Variants in CTIF observed in about 807,000 individuals in gnomAD.
CTIF encodes the protein cap binding complex dependent translation initiation factor, also known as CBP80/20-dependent translation initiation factor.
A neutral mutation model predicts 66.0 loss-of-function variants in CTIF; 21 were observed. That is an observed-to-expected ratio of 0.32 (90% CI 0.23 to 0.46). CTIF has a LOEUF of 0.46. Ranked by LOEUF, CTIF falls within the 20% of genes least tolerant of loss-of-function variation. The probability of loss-of-function intolerance (pLI) is 1.00; values close to 1 mark genes in which losing one functional copy is unlikely to be tolerated. For synonymous variants in CTIF, 345 were observed against 326.4 expected, an observed-to-expected ratio of 1.06 and a Z score of -0.62; for missense variants, 739 against 812.7, an observed-to-expected ratio of 0.91 and a Z score of 1.10.
intron 2 of CTIF, among the ~76,000 whole-genome samples, chr18:48,633,438 T>C (rs12968500): frequency 0.61 from 92,127 of 151,646 alleles, 30,931 homozygotes; most frequent in East Asian, 0.94. Context: ...CATGGTGGCT[T>C]ATGCCTGTAT....
At chr18:48,634,591 A>G (rs914433681) in intron 2 of CTIF, among the ~76,000 whole-genome samples, 1 of 152,190 alleles carries the variant, frequency 6.6e-6, no homozygotes, top group African/African-American at 2.4e-5. Flanking sequence ...CAGGAAGGAG[A>G]CCCAGGCACT....
chr18:48,609,643 A>G (rs1240844787), intron 1 of CTIF, among the ~76,000 whole-genome samples: 1 of 152,174 alleles, frequency 6.6e-6, no homozygotes, highest in Non-Finnish European at 1.5e-5. Flanking sequence ...ACCCATAAGC[A>G]TGATGTCACC....
In CTIF at chr18:48,734,642, A is replaced by C. The variant is rs903788264; in HGVS notation, c.584+22947A>C. ...TTTGCATCCTGTTCATCATCACGGCAACATTCTGGGAGAGAAAGGGAAGAC... is the reference window on the plus strand; with the variant it reads ...TTTGCATCCTGTTCATCATCACGGCCACATTCTGGGAGAGAAAGGGAAGAC... On this transcript the variant is annotated intron_variant, in intron 7 of 11. Coordinates refer to ENST00000256413, the MANE Select transcript of CTIF (RefSeq NM_014772.3). 2.0e-5 allele frequency among the ~76,000 whole-genome samples: 3 copies of C among 152,220 alleles called. No homozygotes were observed. The East Asian group carries it at 5.8e-4, about 29-fold the overall frequency.
chr18:48,783,948 C>T (rs1156766164), intron 9 of CTIF, among the ~76,000 whole-genome samples: 1 of 152,196 alleles, frequency 6.6e-6, no homozygotes, highest in East Asian at 1.9e-4. Flanking sequence ...ACCTCCAGTC[C>T]CCTGCCCTAT....
chr18:48,758,018 G>T lies in CTIF; in HGVS notation c.684G>T (p.Gln228His). ...ACAGGGACCACCAGAAATCCTACCAGGGGGGCTCAGCACCCCACCCCTCAG... is the reference window on the plus strand; with the variant it reads ...ACAGGGACCACCAGAAATCCTACCATGGGGGCTCAGCACCCCACCCCTCAG... ...KHNRDHQKSY[Q>H]GGSAPHPSGR... Residue 228 changes from glutamine (Q) to histidine (H), a missense_variant, in exon 8 of 12, where the codon CAG (glutamine) becomes CAT (histidine). This residue lies in a region of CTIF where 529 missense variants were observed against 520.3 expected (regional missense o/e 1.02). Transcript: ENST00000256413. The T allele has an allele frequency of 6.2e-7, 1 of 1,613,996 alleles. No homozygotes were observed. The highest frequency in any genetic ancestry group is 1.1e-5 in the South Asian group (1 of 91,080).
chr18:48,811,255 T>G (rs894067616), intron 9 of CTIF, among the ~76,000 whole-genome samples: 1 of 152,226 alleles, frequency 6.6e-6, no homozygotes, highest in Non-Finnish European at 1.5e-5. Flanking sequence ...TAACCAAAAT[T>G]ATAATGACTT....
intron 1 of CTIF, among the ~76,000 whole-genome samples, chr18:48,574,687 G>A (rs1258163027): frequency 2.0e-5 from 3 of 152,294 alleles, no homozygotes; most frequent in Non-Finnish European, 2.9e-5. Context: ...TGCTAGACCC[G>A]GAGTCACTTG....
At chr18:48,776,314 G>A (rs572624975) in intron 9 of CTIF, among the ~76,000 whole-genome samples, 7 of 152,348 alleles carry the variant, frequency 4.6e-5, no homozygotes, top group African/African-American at 7.2e-5. Context: ...GGAGATGGGC[G>A]CCCACCGCCC....
chr18:48,678,090 A>AG (rs1458412661), intron 6 of CTIF, among the ~76,000 whole-genome samples: 1 of 152,184 alleles, frequency 6.6e-6, no homozygotes, highest in African/African-American at 2.4e-5. Context: ...GACGATGAGG[A>AG]GGAAGAGGTG....
At chr18:48,620,993 T>C (rs1353513873) in intron 2 of CTIF, among the ~76,000 whole-genome samples, 1 of 151,896 alleles carries the variant, frequency 6.6e-6, no homozygotes, top group Non-Finnish European at 1.5e-5. Flanking sequence ...AAAAAATAGA[T>C]GTGATGCTTT....
chr18:48,633,914 T>C (rs2090767685), intron 2 of CTIF, among the ~76,000 whole-genome samples: 1 of 152,188 alleles, frequency 6.6e-6, no homozygotes, highest in African/African-American at 2.4e-5. Context: ...TACATAACTA[T>C]AGAACCATTA....
intron 2 of CTIF, among the ~76,000 whole-genome samples, chr18:48,630,114 C>T (rs529939189): frequency 5.9e-5 from 9 of 152,276 alleles, no homozygotes; most frequent in Middle Eastern, 3.4e-3. Flanking sequence ...CTGTCTCTCC[C>T]GGGACATGAA....
At chr18:48,784,921 C>A (rs1036043811) in intron 9 of CTIF, among the ~76,000 whole-genome samples, 1 of 152,208 alleles carries the variant, frequency 6.6e-6, no homozygotes, top group Admixed American at 6.5e-5. Flanking sequence ...ATCCACACTC[C>A]CAGGAATGGC....
At chr18:48,778,931 G>A (rs1910953561) in intron 9 of CTIF, among the ~76,000 whole-genome samples, 1 of 152,194 alleles carries the variant, frequency 6.6e-6, no homozygotes, top group Non-Finnish European at 1.5e-5. Context: ...ATGCCACAAA[G>A]CTGTTTCAGC....
At position 48,859,376 on chromosome 18, in the gene CTIF, G is replaced by T. The variant is rs750753014; in HGVS notation, c.1614G>T (p.Gln538His). ...GTACAGGCCGGCTGCTGGAGGAACA[G>T]CTGCCTGAGATGATGACAGAGCTCC... ...LQSTGRLLEE[Q>H]LPEMMTELLA... Residue 538 changes from glutamine (Q) to histidine (H), a missense_variant, in exon 12 of 12, where the codon CAG (glutamine) becomes CAT (histidine). Gln to His is a conservative substitution (Grantham distance 24, BLOSUM62 0). Around this residue, in one of 2 missense-constraint regions of CTIF, gnomAD observed 210 missense variants for 292.3 expected, o/e 0.72. Coordinates refer to ENST00000256413, the MANE Select transcript of CTIF (RefSeq NM_014772.3). The T allele has an allele frequency of 6.2e-7, 1 of 1,614,096 alleles. No homozygotes were observed. The highest frequency in any genetic ancestry group is 8.5e-7 in the Non-Finnish European group (1 of 1,180,042).
intron 9 of CTIF, among the ~76,000 whole-genome samples, chr18:48,778,909 T>C (rs987223408): frequency 2.0e-5 from 3 of 152,202 alleles, no homozygotes; most frequent in Admixed American, 1.3e-4. Context: ...CTTTTTGTTC[T>C]GGCTGACAAT....
At chr18:48,774,466 C>G (rs920691605) in intron 9 of CTIF, among the ~76,000 whole-genome samples, 1 of 152,074 alleles carries the variant, frequency 6.6e-6, no homozygotes, top group Non-Finnish European at 1.5e-5. Context: ...GGAAAAACAG[C>G]GGCCTCTTTG....
At chr18:48,546,843 C>T (rs964966277) in intron 1 of CTIF, among the ~76,000 whole-genome samples, 1 of 152,156 alleles carries the variant, frequency 6.6e-6, no homozygotes. Flanking sequence ...TTTGTCTTGA[C>T]CTGGATGTGA....
At chr18:48,795,043 G>T (rs2067883749) in intron 9 of CTIF, among the ~76,000 whole-genome samples, 1 of 152,144 alleles carries the variant, frequency 6.6e-6, no homozygotes, top group South Asian at 2.1e-4. Context: ...ATCCTAAGTG[G>T]TTAGTTTTGC....
Sources: allele counts gnomAD v4.1 joint callset (sites outside exome capture counted in the v4.1 genomes callset), GRCh38; gene constraint gnomAD v4.1.1; regional missense constraint gnomAD v4.1.1; transcripts MANE v1.5; gene names NCBI Gene and HGNC (gene_info 2026-07-23, HGNC 2026-07-21).